Variants in WLS observed in about 807,000 individuals in gnomAD.
The protein encoded by WLS is protein wntless homolog.
WLS carries 23 observed loss-of-function variants against 62.8 expected under a neutral mutation model. The ratio of observed to expected loss-of-function variants is 0.37; its 90% CI spans 0.26 to 0.52. The LOEUF (loss-of-function observed/expected upper bound fraction) is 0.52. Among genes scored for constraint, WLS ranks in the 20% least tolerant of loss-of-function variants. WLS has a pLI of 0.92. For missense variants in WLS, 615 were observed against 697.3 expected, an observed-to-expected ratio of 0.88 and a Z score of 1.33; for synonymous variants, 246 against 244.1, an observed-to-expected ratio of 1.01 and a Z score of -0.07.
intron 2 of WLS, among the ~76,000 whole-genome samples, chr1:68,180,589 A>T (rs1341555321): frequency 6.6e-6 from 1 of 152,152 alleles, no homozygotes; most frequent in Non-Finnish European, 1.5e-5. Context: ...TCACAGCTGT[A>T]GATCATGTGC....
downstream of WLS, chr1:68,120,979 C>T (rs1646357743): frequency 6.6e-6 from 1 of 152,160 alleles, no homozygotes; most frequent in Non-Finnish European, 1.5e-5. Context: ...ATGTAAAGTT[C>T]TACCATTAAG....
In WLS at chr1:68,101,306, C is replaced by CTATTATTAT. The variant is rs372414383; in HGVS notation, c.1511-2562_1511-2554dup. Among the ~76,000 whole-genome samples, 238 of 151,682 alleles carry CTATTATTAT rather than the reference C, an allele frequency of 1.6e-3. 1 individual carries two copies. Among genetic ancestry groups the CTATTATTAT allele is most frequent in the African/African-American group, 5.3e-3 (219 of 41,286 alleles). ...GGCCAATAAATGTTCATCATATTTG[C>CTATTATTAT]TATTATTATTATTATTATTATAGGC... On this transcript the variant is annotated intron_variant, in intron 11 of 11. Coordinates refer to the WLS transcript ENST00000354777.
chr1:68,208,361 G>A (rs766688712), intron 1 of WLS, among the ~76,000 whole-genome samples: 9 of 151,318 alleles, frequency 5.9e-5, no homozygotes, highest in Non-Finnish European at 1.2e-4. Context: ...CCTGCCCCCC[G>A]ATGAGGATTC....
chr1:68,220,695 C>A (rs1269326484), intron 1 of WLS, among the ~76,000 whole-genome samples: 2 of 152,192 alleles, frequency 1.3e-5, no homozygotes, highest in African/African-American at 4.8e-5. Flanking sequence ...CGAGCCAACA[C>A]TTATTTTTAT....
intron 2 of WLS, among the ~76,000 whole-genome samples, chr1:68,166,801 G>A (rs1043797626): frequency 3.9e-5 from 6 of 152,164 alleles, no homozygotes; most frequent in Admixed American, 6.5e-5. Flanking sequence ...CTTACTTCCC[G>A]TGCAATCTGA....
chr1:68,213,354 G>A (rs1035277068), intron 1 of WLS, among the ~76,000 whole-genome samples: 1 of 151,568 alleles, frequency 6.6e-6, no homozygotes, highest in African/African-American at 2.4e-5. Flanking sequence ...AGGAGGCTGA[G>A]GCAGGAGAAT....
chr1:68,123,913 C>T (rs1223564194), downstream of WLS, among the ~76,000 whole-genome samples: 1 of 152,178 alleles, frequency 6.6e-6, no homozygotes, highest in African/African-American at 2.4e-5. Context: ...CCATGGATCT[C>T]TCATATATGC....
chr1:68,110,653 CTCTG>C (rs755281435), intron 11 of WLS, among the ~76,000 whole-genome samples: 593 of 26,768 alleles, frequency 0.022, 5 homozygotes, highest in African/African-American at 0.036. Flanking sequence ...CCCCAAAAAT[CTCTG>C]TCTCTCTCTC....
chr1:68,099,100 C>T (rs1646045133), intron 11 of WLS, among the ~76,000 whole-genome samples: 1 of 152,212 alleles, frequency 6.6e-6, no homozygotes, highest in South Asian at 2.1e-4. Flanking sequence ...TCCCCACTTT[C>T]TCTCCCAAAT....
chr1:68,204,864 C>T (rs1649216080), intron 1 of WLS, among the ~76,000 whole-genome samples: 1 of 152,278 alleles, frequency 6.6e-6, no homozygotes, highest in Admixed American at 6.5e-5. Context: ...TTGCAGGCAT[C>T]ACTTCTGAAC....
intron 11 of WLS, among the ~76,000 whole-genome samples, chr1:68,115,859 A>G (rs1646285465): frequency 6.6e-6 from 1 of 152,150 alleles, no homozygotes; most frequent in African/African-American, 2.4e-5. Flanking sequence ...AGGGCTTCTA[A>G]GCAATTCCAA....
At chr1:68,156,090 C>A (rs1557482434) in intron 3 of WLS, among the ~76,000 whole-genome samples, 1 of 152,060 alleles carries the variant, frequency 6.6e-6, no homozygotes, top group Non-Finnish European at 1.5e-5. Context: ...CTAAATTCTG[C>A]TCCACCTCAC....
At chr1:68,108,371 G>T (rs1646175827) in intron 11 of WLS, among the ~76,000 whole-genome samples, 1 of 152,178 alleles carries the variant, frequency 6.6e-6, no homozygotes, top group South Asian at 2.1e-4. Context: ...GAGACCAAAA[G>T]CAGGAATAAT....
At chr1:68,116,619 C>T (rs1454547163) in intron 11 of WLS, among the ~76,000 whole-genome samples, 1 of 152,112 alleles carries the variant, frequency 6.6e-6, no homozygotes, top group Non-Finnish European at 1.5e-5. Context: ...TGATTAAAAT[C>T]CTACCTGGCA....
chr1:68,135,075 A>G (rs1382693593), intron 11 of WLS, among the ~76,000 whole-genome samples: 2 of 152,220 alleles, frequency 1.3e-5, no homozygotes. Flanking sequence ...CTTAGTGGCA[A>G]GAAGTGTTCT....
rs1445114253 is a variant in WLS, at chr1:68,155,158, C to T, written c.607G>A (p.Val203Met). Residue 203 changes from valine to methionine, a missense_variant, in exon 4 of 12, where the codon GTG (valine) becomes ATG (methionine). Transcript: ENST00000262348. The part of the protein sequence containing the change: ...KFYLLNIRLP[V>M]NEKKKINVGI... ...ACATTGATTTTCTTCTTCTCATTCACAGGCAGCCGGATGTTTAAAAGGTAA... is the reference window on the plus strand; with the variant it reads ...ACATTGATTTTCTTCTTCTCATTCATAGGCAGCCGGATGTTTAAAAGGTAA... The T allele has an allele frequency of 6.2e-7, 1 of 1,613,922 alleles. No homozygotes were observed. The highest frequency in any genetic ancestry group is 1.1e-5 in the South Asian group (1 of 91,074).
chr1:68,121,823 G>A (rs1182694347), downstream of WLS, among the ~76,000 whole-genome samples: 6 of 152,166 alleles, frequency 3.9e-5, no homozygotes, highest in Non-Finnish European at 8.8e-5. Flanking sequence ...CTCTCTCACC[G>A]ACTCTTCCTG....
intron 2 of WLS, among the ~76,000 whole-genome samples, chr1:68,169,332 GA>G (rs1647111665): frequency 6.6e-6 from 1 of 152,082 alleles, no homozygotes. Context: ...CTATACCACT[GA>G]AAAAGTAAGT....
intron 3 of WLS, among the ~76,000 whole-genome samples, chr1:68,156,613 AGTTT>A (rs1646903759): frequency 6.6e-6 from 1 of 152,188 alleles, no homozygotes; most frequent in African/African-American, 2.4e-5. Context: ...AGTCGTCAAC[AGTTT>A]TTATCCCTAA....
Sources: allele counts gnomAD v4.1 joint callset (sites outside exome capture counted in the v4.1 genomes callset), GRCh38; gene constraint gnomAD v4.1.1; transcripts MANE v1.5; gene names NCBI Gene and HGNC (gene_info 2026-07-23, HGNC 2026-07-21).